Variants in BCR observed in about 807,000 individuals in gnomAD.
BCR encodes BCR activator of RhoGEF and GTPase, also known as breakpoint cluster region protein.
Under a neutral mutation model 138.6 loss-of-function variants are expected in BCR, and 58 were observed. The observed-to-expected ratio is 0.42, with a 90% CI of 0.34 to 0.52. BCR has a LOEUF of 0.52. BCR is among the 20% of genes least tolerant of loss of function. BCR has a pLI of 0.06. For synonymous variants in BCR, 786 were observed against 730.1 expected, an observed-to-expected ratio of 1.08 and a Z score of -1.23; for missense variants, 1,599 against 1,727.2, an observed-to-expected ratio of 0.93 and a Z score of 1.32.
intron 1 of BCR, among the ~76,000 whole-genome samples, chr22:23,195,870 A>G (rs2072474230): frequency 6.6e-6 from 1 of 152,258 alleles, no homozygotes; most frequent in African/African-American, 2.4e-5. Flanking sequence ...CCTGGGCAAC[A>G]AGAGTGAAAC....
intron 1 of BCR, among the ~76,000 whole-genome samples, chr22:23,224,255 G>A (rs2072862913): frequency 6.6e-6 from 1 of 152,196 alleles, no homozygotes; most frequent in Non-Finnish European, 1.5e-5. Context: ...CCTTTACTTG[G>A]TTAATGATTC....
At chr22:23,314,102 G>C in intron 21 of BCR, 29 bp downstream of exon 21, 1 of 1,580,008 alleles carries the variant, frequency 6.3e-7, no homozygotes, top group Non-Finnish European at 8.7e-7. Context: ...GGCAGCCCAG[G>C]GCTCCAGGTC....
At chr22:23,292,500 A>G (rs1312827251) in intron 14 of BCR, 41 bp from the exon 15 acceptor site, 10 of 1,470,644 alleles carry the variant, frequency 6.8e-6, no homozygotes, top group Admixed American at 1.7e-5. Context: ...GGTGATGTGG[A>G]AAAGACCTGT....
intron 3 of BCR, 118 bp from the exon 4 acceptor site, chr22:23,261,237 T>C (rs1192419233): frequency 3.4e-5 from 45 of 1,309,052 alleles, no homozygotes; most frequent in Non-Finnish European, 4.5e-5. Context: ...GTATTTGTTA[T>C]GTGATTTAAA....
chr22:23,207,601 C>A (rs546326769), intron 1 of BCR, among the ~76,000 whole-genome samples: 2 of 152,036 alleles, frequency 1.3e-5, no homozygotes, highest in Non-Finnish European at 2.9e-5. Context: ...CTAGCCTGGG[C>A]GACAGAGACA....
Position 23,285,016 on chromosome 22 carries a change from T to C in BCR, c.2238-17T>C, listed in dbSNP as rs369333417. The C allele has an allele frequency of 1.9e-6, 3 of 1,608,452 alleles. No homozygotes were observed. The highest frequency in any genetic ancestry group is 2.6e-6 in the Non-Finnish European group (3 of 1,175,794). ...GGCAGTCGGTGCATGTGAACGTTCT[T>C]CTCTCCCCATCCCCAGCAAAACGCA... On this transcript the variant is annotated splice_polypyrimidine_tract_variant and intron_variant, in intron 9 of 22. Coordinates refer to ENST00000305877, the MANE Select transcript of BCR (RefSeq NM_004327.4).
intron 4 of BCR, among the ~76,000 whole-genome samples, chr22:23,267,682 A>C (rs2073459236): frequency 6.6e-6 from 1 of 152,110 alleles, no homozygotes; most frequent in Non-Finnish European, 1.5e-5. Context: ...CTGCCCATAA[A>C]GGTGTTGTGG....
At position 23,311,826 on chromosome 22, in the gene BCR, C is replaced by G. The variant is rs1290873291; in HGVS notation, c.3312C>G (p.Ala1104=). The G allele has an allele frequency of 6.8e-6, 11 of 1,611,600 alleles. No individual in the cohort carries two copies. Among genetic ancestry groups the G allele is most frequent in the Non-Finnish European group, 9.3e-6 (11 of 1,179,876 alleles). The part of the protein sequence containing the change: ...VATDIQALKA[A]FDVNNKDVSV... ...CGGACATCCAGGCACTGAAGGCAGC[C>G]TTCGACGTCAGTGAGTGTTGGCCTG... The change falls in exon 19 of 23, where the codon GCC becomes GCG. Residue 1104 remains alanine, a synonymous_variant. Coordinates refer to ENST00000305877, the MANE Select transcript of BCR (RefSeq NM_004327.4).
In BCR at chr22:23,252,430, T is replaced by C. The variant is rs894992892; in HGVS notation, c.1280-1369T>C. Among the ~76,000 whole-genome samples the C allele has an allele frequency of 2.2e-5, 3 of 138,678 alleles. No homozygotes were observed. In the East Asian group the frequency reaches 6.2e-4, roughly 28 times the overall value. The allele number at this position is 138,678 out of a possible 152,430, so 91.0% of individuals were successfully genotyped here. A position where few individuals can be genotyped will look rare whatever the true frequency, so the allele number is the denominator to read the frequency against. ...GGTTTCCCTTTCTTTTTCTTTTCTT[T>C]TCTTTTTTTTTTTTTTTTGAGACAG... On this transcript the variant is annotated intron_variant, in intron 1 of 22. Transcript: ENST00000305877.
At chr22:23,271,634 G>A (rs765592387) in intron 6 of BCR, 42 bp downstream of exon 6, 2 of 1,597,434 alleles carry the variant, frequency 1.3e-6, no homozygotes, top group East Asian at 4.5e-5. Flanking sequence ...CCTCGTCAGG[G>A]AGGCTGCTGC....
intron 4 of BCR, among the ~76,000 whole-genome samples, chr22:23,262,277 T>C (rs1445727762): frequency 6.6e-6 from 1 of 152,210 alleles, no homozygotes; most frequent in Non-Finnish European, 1.5e-5. Flanking sequence ...CCAGCACTTC[T>C]GGACTACCGA....
chr22:23,286,461 A>G (rs898236687), intron 10 of BCR, among the ~76,000 whole-genome samples: 8 of 152,250 alleles, frequency 5.3e-5, no homozygotes, highest in South Asian at 2.1e-4. Flanking sequence ...TGAACATTCT[A>G]TTGTCATCCT....
Position 23,297,658 on chromosome 22 carries a change from G to A in BCR, c.3012+2503G>A, listed in dbSNP as rs553182172. ...CAGCCCAGGGATACTCACAGCCTGG[G>A]TGCCTGGCTCCTTTTTTCAGCTCAT... On this transcript the variant is annotated intron_variant, in intron 16 of 22. Coordinates refer to ENST00000305877, the MANE Select transcript of BCR (RefSeq NM_004327.4). 6.0e-3 allele frequency among the ~76,000 whole-genome samples: 918 copies of A among 152,270 alleles called. 9 individuals carry two copies. Among genetic ancestry groups the A allele is most frequent in the African/African-American group, 0.02 (826 of 41,554 alleles).
chr22:23,308,693 C>T (rs930285069), intron 16 of BCR, among the ~76,000 whole-genome samples: 23 of 152,190 alleles, frequency 1.5e-4, no homozygotes, highest in African/African-American at 5.5e-4. Flanking sequence ...TGACATAGAA[C>T]GTGCTCCCCA....
chr22:23,273,880 T>C, intron 8 of BCR, 106 bp downstream of exon 8: 1 of 1,487,392 alleles, frequency 6.7e-7, no homozygotes, highest in Non-Finnish European at 9.2e-7. Flanking sequence ...TCAGCAGACC[T>C]TGCCTTCTGG....
intron 4 of BCR, chr22:23,263,556 G>A: frequency 1.3e-6 from 2 of 1,575,452 alleles, no homozygotes; most frequent in Non-Finnish European, 1.7e-6. Context: ...GTTCCGTCCA[G>A]ATGGTGCCAG....
rs775643210 is a variant in BCR at position 23,312,868 on chromosome 22, A to C, written c.3323-19A>C. 11 of 1,596,170 alleles carry C rather than the reference A, an allele frequency of 6.9e-6. No individual in the cohort carries two copies. The highest frequency in any genetic ancestry group is 1.3e-5 in the African/African-American group (1 of 74,956). ...TCGGGATCCTCAAGGAGGCCGCTGC[A>C]TTTCCGTGCTCTTTCCAGATAACAA... On this transcript the variant is annotated intron_variant, in intron 19 of 22. Transcript: ENST00000305877.
chr22:23,281,070 T>A (rs908347904), intron 8 of BCR, among the ~76,000 whole-genome samples: 1 of 152,140 alleles, frequency 6.6e-6, no homozygotes, highest in African/African-American at 2.4e-5. Context: ...GCTCAGGCAC[T>A]CACACTCACA....
chr22:23,299,958 G>GGATGCATCCCTGCAC (rs1393676351), intron 16 of BCR, among the ~76,000 whole-genome samples: 2 of 152,146 alleles, frequency 1.3e-5, no homozygotes, highest in Non-Finnish European at 2.9e-5. Flanking sequence ...TGCACCATGG[G>GGATGCATCCCTGCAC]CAGCCTTTTT....
Sources: allele counts gnomAD v4.1 joint callset (sites outside exome capture counted in the v4.1 genomes callset), GRCh38; gene constraint gnomAD v4.1.1; transcripts MANE v1.5; gene names NCBI Gene and HGNC (gene_info 2026-07-23, HGNC 2026-07-21).